The following RTL4 variants were observed in gnomAD, a reference collection of about 807,000 sequenced individuals.
RTL4 encodes retrotransposon Gag-like protein 4.
A neutral mutation model predicts 5.3 loss-of-function variants in RTL4; 4 were observed. That is an observed-to-expected ratio of 0.75 (90% confidence interval 0.37 to 1.72). The LOEUF is 1.72. Ranked by LOEUF, RTL4 falls within the 40% of genes most tolerant of loss-of-function variation. RTL4 has a pLI of 0.04. For missense variants in RTL4, 260 were observed against 227.1 expected (o/e 1.14, Z -0.93); for synonymous variants, 98 against 87.3 (o/e 1.12, Z -0.68).
chrX:112,449,952 A>T (rs1259092849), upstream of RTL4, among the ~76,000 whole-genome samples: 2 of 112,079 alleles, frequency 1.8e-5, no homozygotes, highest in Non-Finnish European at 3.8e-5. Flanking sequence ...AAATCCAAAC[A>T]GTTTGCCCTT....
chrX:112,310,690 A>C, the RTL4 span, among the ~76,000 whole-genome samples: 1 of 69,273 alleles, frequency 1.4e-5, no homozygotes, highest in African/African-American at 6.1e-5. Flanking sequence ...TTATATATTT[A>C]TATATTATAT....
At chrX:112,389,930 G>A in the RTL4 span, among the ~76,000 whole-genome samples, 6 of 102,314 alleles carry the variant, frequency 5.9e-5, no homozygotes, top group African/African-American at 2.1e-4. Flanking sequence ...TTTGTCCAAA[G>A]TTGAGATCAG....
the RTL4 span, among the ~76,000 whole-genome samples, chrX:112,294,836 C>T: frequency 8.2e-3 from 908 of 111,307 alleles, 8 homozygotes; most frequent in African/African-American, 0.028. Context: ...AAGCTCAATA[C>T]CTGATCTGAC....
At chrX:112,249,792 T>TATAGAG in the RTL4 span, among the ~76,000 whole-genome samples, 3 of 96,756 alleles carry the variant, frequency 3.1e-5, no homozygotes, top group African/African-American at 7.4e-5. Context: ...TATATATATA[T>TATAGAG]AGAGAGAGAG....
chrX:112,297,728 C>G, the RTL4 span, among the ~76,000 whole-genome samples: 1 of 111,553 alleles, frequency 9.0e-6, no homozygotes, highest in African/African-American at 3.3e-5. Context: ...GTCTGTCCCC[C>G]CAACAAACAG....
the RTL4 span, among the ~76,000 whole-genome samples, chrX:112,148,713 T>A: frequency 2.7e-5 from 3 of 112,169 alleles, no homozygotes; most frequent in Admixed American, 9.5e-5. Flanking sequence ...TGATAGTTAC[T>A]CGATTTCTCT....
At chrX:112,262,879 T>A in the RTL4 span, among the ~76,000 whole-genome samples, 1 of 109,946 alleles carries the variant, frequency 9.1e-6, no homozygotes, top group Non-Finnish European at 1.9e-5. Flanking sequence ...AAAGGATGAG[T>A]TCATGTCCTT....
At chrX:112,106,534 T>C in the RTL4 span, among the ~76,000 whole-genome samples, 1 of 112,242 alleles carries the variant, frequency 8.9e-6, no homozygotes, top group East Asian at 2.8e-4. Context: ...TTTGTAAATA[T>C]ATCCAGCAGT....
the RTL4 span, among the ~76,000 whole-genome samples, chrX:112,433,022 G>C: frequency 9.1e-6 from 1 of 110,194 alleles, no homozygotes; most frequent in South Asian, 3.9e-4. Context: ...TCTCAGGTTT[G>C]TCAAAGATCA....
chrX:112,404,856 A>G, the RTL4 span, among the ~76,000 whole-genome samples: 4 of 112,449 alleles, frequency 3.6e-5, no homozygotes, highest in Admixed American at 9.4e-5. Context: ...AAGAAAGTAT[A>G]ATACCTGGAC....
the RTL4 span, among the ~76,000 whole-genome samples, chrX:112,292,017 T>C: frequency 4.5e-5 from 5 of 111,619 alleles, no homozygotes; most frequent in Non-Finnish European, 9.4e-5. Context: ...GGGTGATTTC[T>C]GGAGAAATTG....
chrX:112,180,936 C>G, the RTL4 span, among the ~76,000 whole-genome samples: 7 of 112,255 alleles, frequency 6.2e-5, no homozygotes, highest in African/African-American at 2.3e-4. Context: ...CCAGTGAAAT[C>G]AACACAGAAG....
At chrX:112,305,175 T>A in the RTL4 span, among the ~76,000 whole-genome samples, 1 of 102,584 alleles carries the variant, frequency 9.7e-6, no homozygotes, top group Admixed American at 1.0e-4. Context: ...TGTGTTTTTT[T>A]TGTCTTTTTT....
chrX:112,272,825 G>A, the RTL4 span, among the ~76,000 whole-genome samples: 20 of 110,904 alleles, frequency 1.8e-4, no homozygotes, highest in Middle Eastern at 4.7e-3. Flanking sequence ...GAATTATGGT[G>A]ACATTCTCCC....
the RTL4 span, among the ~76,000 whole-genome samples, chrX:112,211,655 A>G: frequency 1.8e-5 from 2 of 112,016 alleles, no homozygotes; most frequent in African/African-American, 6.5e-5. Context: ...ATGACTCAAC[A>G]GTGTAATTGT....
At chrX:112,438,190 A>G in the RTL4 span, among the ~76,000 whole-genome samples, 1 of 108,248 alleles carries the variant, frequency 9.2e-6, no homozygotes, top group Non-Finnish European at 1.9e-5. Flanking sequence ...TCAAAATATC[A>G]TCTGTGGCTG....
chrX:112,299,302 C>T, the RTL4 span, among the ~76,000 whole-genome samples: 1 of 111,934 alleles, frequency 8.9e-6, no homozygotes, highest in African/African-American at 3.2e-5. Context: ...TTGTTATCTT[C>T]CATTTGTGTC....
chrX:112,446,334 A>G, the RTL4 span, among the ~76,000 whole-genome samples: 3 of 111,629 alleles, frequency 2.7e-5, no homozygotes, highest in African/African-American at 9.8e-5. Flanking sequence ...AAACTAAATG[A>G]CCCATTCATC....
chrX:112,322,368 A>G, the RTL4 span, among the ~76,000 whole-genome samples: 1 of 103,919 alleles, frequency 9.6e-6, no homozygotes, highest in Non-Finnish European at 2.0e-5. Flanking sequence ...TTTTTTTTGT[A>G]GAGGATATCT....
Sources: gnomAD v4.1 joint callset for allele counts (sites outside exome capture counted in the v4.1 genomes callset) on GRCh38, gnomAD v4.1.1 for gene constraint, MANE v1.5 for transcripts, NCBI Gene and HGNC (gene_info 2026-07-23, HGNC 2026-07-21) for gene names.